TMEM50B: variants seen among roughly 807,000 people sequenced by gnomAD.
TMEM50B encodes HCV p7-trans-regulated protein 3.
TMEM50B carries 14 observed loss-of-function variants against 23.4 expected under a neutral mutation model. The observed-to-expected ratio is 0.60, with a 90% CI of 0.39 to 0.93. The LOEUF is 0.93. TMEM50B is among the 40% of genes least tolerant of loss of function. TMEM50B has a pLI of 0.00. For synonymous variants in TMEM50B, 64 were observed against 62.3 expected, an observed-to-expected ratio of 1.03 and a Z score of -0.13; for missense variants, 159 against 193.0, an observed-to-expected ratio of 0.82 and a Z score of 1.04.
At chr21:33,460,746 A>T (rs2084210546) in intron 4 of TMEM50B, among the ~76,000 whole-genome samples, 1 of 152,212 alleles carries the variant, frequency 6.6e-6, no homozygotes, top group Admixed American at 6.5e-5. Context: ...GACTAGAGAA[A>T]CGAATGCCCT....
rs534132334 is a variant in TMEM50B, at chr21:33,449,710, GCTTTAT to G, written c.*1102_*1107del. 157 of 152,512 alleles carry G rather than the reference GCTTTAT, an allele frequency of 1.0e-3. 2 individuals are homozygous for G. Among genetic ancestry groups the G allele is most frequent in the African/African-American group, 3.5e-3 (144 of 41,562 alleles). 9.4% of individuals were successfully genotyped at this position (152,512 alleles called of 1,614,324 possible). On this transcript the variant is annotated 3_prime_UTR_variant, in exon 7 of 7. Transcript: ENST00000542230. ...GTGATAATTCCCTTTGGGAAGAAGT[GCTTTAT>G]CTTTAATTATTCCACTTTTTGTTAA...
downstream of TMEM50B, among the ~76,000 whole-genome samples, chr21:33,448,282 C>T (rs979749017): frequency 1.1e-4 from 17 of 151,948 alleles, no homozygotes; most frequent in Admixed American, 5.9e-4. Flanking sequence ...CGTGAGCCCC[C>T]ACGCCTGACC....
At chr21:33,460,527 T>C in intron 4 of TMEM50B, 22 bp from the exon 5 acceptor site, 1 of 1,530,058 alleles carries the variant, frequency 6.5e-7, no homozygotes, top group Non-Finnish European at 8.9e-7. Flanking sequence ...AGAGGCTTTA[T>C]GATTTTGTTC....
At chr21:33,439,906 C>T (rs184891656) in intron 7 of TMEM50B, among the ~76,000 whole-genome samples, 29 of 151,950 alleles carry the variant, frequency 1.9e-4, no homozygotes, top group African/African-American at 7.0e-4. Flanking sequence ...ATTAGCTGGG[C>T]GTGGTGGCTC....
chr21:33,478,359 CG>C (rs2084393440), intron 1 of TMEM50B, among the ~76,000 whole-genome samples: 1 of 150,228 alleles, frequency 6.7e-6, no homozygotes, highest in South Asian at 2.1e-4. Flanking sequence ...CCCAGCTACT[CG>C]GGAGGCTGAG....
At chr21:33,448,167 G>C (rs1044348127), downstream of TMEM50B, among the ~76,000 whole-genome samples, 3 of 151,660 alleles carry the variant, frequency 2.0e-5, no homozygotes, top group African/African-American at 7.3e-5. Flanking sequence ...CTAATTTGTT[G>C]TATTTTTAGT....
chr21:33,467,175 C>A, intron 2 of TMEM50B, 53 bp from the exon 3 acceptor site: 1 of 1,441,598 alleles, frequency 6.9e-7, no homozygotes, highest in Middle Eastern at 1.7e-4. Flanking sequence ...TAGCACAATA[C>A]CTGCTTTTTA....
At chr21:33,440,847 A>C (rs4817566) in intron 7 of TMEM50B, among the ~76,000 whole-genome samples, 151,910 of 151,922 alleles carry the variant, frequency 1, 75,949 homozygotes, top group Middle Eastern at 1. Context: ...GCACCACTGC[A>C]CTCCACCTGG....
intron 1 of TMEM50B, among the ~76,000 whole-genome samples, chr21:33,478,007 C>T (rs1475528018): frequency 6.0e-5 from 9 of 151,208 alleles, no homozygotes; most frequent in African/African-American, 1.9e-4. Context: ...TGGTGGTGGG[C>T]GCCTGTAGTC....
At chr21:33,436,270 A>C (rs2083949894) in intron 8 of TMEM50B, among the ~76,000 whole-genome samples, 1 of 151,968 alleles carries the variant, frequency 6.6e-6, no homozygotes, top group African/African-American at 2.4e-5. Context: ...CAGAGGTTGC[A>C]GTGAGATGAG....
chr21:33,478,389 C>T (rs189484863), intron 1 of TMEM50B, among the ~76,000 whole-genome samples: 4 of 152,152 alleles, frequency 2.6e-5, no homozygotes, highest in Non-Finnish European at 4.4e-5. Flanking sequence ...ATCCCTTTAA[C>T]CCTAGAGGTG....
At chr21:33,474,211 T>G (rs1024493343) in intron 1 of TMEM50B, among the ~76,000 whole-genome samples, 3 of 147,472 alleles carry the variant, frequency 2.0e-5, no homozygotes, top group African/African-American at 4.9e-5. Context: ...TGTTGTTGTT[T>G]TTTTTAAGAG....
At chr21:33,445,760 C>G (rs1020188271), downstream of TMEM50B, among the ~76,000 whole-genome samples, 17 of 151,688 alleles carry the variant, frequency 1.1e-4, no homozygotes, top group African/African-American at 4.1e-4. Flanking sequence ...GCACTCCAGC[C>G]TGGATGACAG....
intron 7 of TMEM50B, among the ~76,000 whole-genome samples, chr21:33,440,961 G>A (rs560881961): frequency 3.8e-4 from 58 of 152,028 alleles, no homozygotes; most frequent in Non-Finnish European, 6.2e-4. Flanking sequence ...AGGGCACGGC[G>A]GCTCACACCT....
chr21:33,479,248 G>A (rs2084403540), intron 1 of TMEM50B: 1 of 158,118 alleles, frequency 6.3e-6, no homozygotes, highest in Non-Finnish European at 1.4e-5. Context: ...CGGAGCTCAA[G>A]GTTTATAATT....
At chr21:33,479,699 G>A (rs1010534800) in intron 1 of TMEM50B, 139 bp downstream of exon 1, 1 of 152,362 alleles carries the variant, frequency 6.6e-6, no homozygotes, top group Non-Finnish European at 1.5e-5. Context: ...CGAACGCAGG[G>A]AAAACCCGGC....
chr21:33,457,600 G>A (rs1426589460), intron 5 of TMEM50B, among the ~76,000 whole-genome samples: 5 of 149,520 alleles, frequency 3.3e-5, no homozygotes, highest in East Asian at 2.0e-4. Flanking sequence ...GCAGTGAGCC[G>A]AGACTGTGCC....
intron 5 of TMEM50B, among the ~76,000 whole-genome samples, chr21:33,458,448 A>C (rs1056194628): frequency 1.3e-5 from 2 of 152,114 alleles, no homozygotes; most frequent in African/African-American, 4.8e-5. Flanking sequence ...TGGGAGGCAG[A>C]GGTTGCAGTG....
intron 6 of TMEM50B, among the ~76,000 whole-genome samples, chr21:33,451,181 C>T (rs2084116549): frequency 6.6e-6 from 1 of 152,116 alleles, no homozygotes; most frequent in South Asian, 2.1e-4. Flanking sequence ...GGGAGAGAGA[C>T]CATTCTCATA....
Sources: allele counts gnomAD v4.1 joint callset (sites outside exome capture counted in the v4.1 genomes callset), GRCh38; gene constraint gnomAD v4.1.1; transcripts MANE v1.5; gene names NCBI Gene and HGNC (gene_info 2026-07-23, HGNC 2026-07-21).